The following CACNA1E variants were observed in gnomAD, a reference collection of about 807,000 sequenced individuals.
CACNA1E encodes voltage-dependent R-type calcium channel subunit alpha-1E.
CACNA1E carries 40 observed loss-of-function variants against 259.2 expected under a neutral mutation model. That is an observed-to-expected ratio of 0.15 (90% CI 0.12 to 0.20). The LOEUF is 0.20. Among genes scored for constraint, CACNA1E ranks in the 10% least tolerant of loss-of-function variants. The pLI is 1.00. For synonymous variants in CACNA1E, 1,104 were observed against 1,138.5 expected, an observed-to-expected ratio of 0.97 and a Z score of 0.61; for missense variants, 1,874 against 3,040.1, an observed-to-expected ratio of 0.62 and a Z score of 9.02.
At chr1:181,397,322 G>A (rs1329718925) in intron 1 of CACNA1E, among the ~76,000 whole-genome samples, 7 of 152,064 alleles carry the variant, frequency 4.6e-5, no homozygotes, top group Non-Finnish European at 8.8e-5. Flanking sequence ...CCCCTGCCTC[G>A]GTGAGTTTTT....
intron 3 of CACNA1E, among the ~76,000 whole-genome samples, chr1:181,540,332 A>C (rs1056920237): frequency 6.6e-6 from 1 of 152,248 alleles, no homozygotes; most frequent in Admixed American, 6.5e-5. Flanking sequence ...GCTCTATGGC[A>C]ACATGGTGTT....
chr1:181,698,769 G>GT (rs1435949449), intron 7 of CACNA1E, among the ~76,000 whole-genome samples: 3 of 151,962 alleles, frequency 2.0e-5, no homozygotes, highest in Non-Finnish European at 2.9e-5. Flanking sequence ...TTTCAATAAG[G>GT]TAACAATTAA....
chr1:181,723,808 G>C (rs1440713967), intron 16 of CACNA1E, among the ~76,000 whole-genome samples: 1 of 152,170 alleles, frequency 6.6e-6, no homozygotes, highest in Non-Finnish European at 1.5e-5. Flanking sequence ...AGAGGGAAAG[G>C]CATGGGGATG....
At chr1:181,405,875 A>T (rs1657429641) in intron 1 of CACNA1E, among the ~76,000 whole-genome samples, 1 of 152,230 alleles carries the variant, frequency 6.6e-6, no homozygotes, top group Non-Finnish European at 1.5e-5. Flanking sequence ...AAAAGAGTTT[A>T]GGAAGACTCT....
At chr1:181,320,128 A>T (rs576677746) in intron 1 of CACNA1E, among the ~76,000 whole-genome samples, 7 of 152,110 alleles carry the variant, frequency 4.6e-5, no homozygotes, top group Non-Finnish European at 1.0e-4. Flanking sequence ...ATATACAGTG[A>T]CCCACAGAGT....
intron 2 of CACNA1E, 94 bp downstream of exon 2, chr1:181,510,676 T>G: frequency 1.2e-6 from 1 of 807,440 alleles, no homozygotes; most frequent in Non-Finnish European, 2.1e-6. Context: ...TTCCTGCCTG[T>G]GAGTTCTGGG....
At chr1:181,428,908 G>A (rs1427559318) in intron 2 of CACNA1E, among the ~76,000 whole-genome samples, 1 of 152,196 alleles carries the variant, frequency 6.6e-6, no homozygotes, top group East Asian at 1.9e-4. Flanking sequence ...GAGGCCGGGT[G>A]CGGTGGCTCA....
chr1:181,344,140 G>C (rs1652405540), intron 1 of CACNA1E, among the ~76,000 whole-genome samples: 1 of 152,124 alleles, frequency 6.6e-6, no homozygotes, highest in Non-Finnish European at 1.5e-5. Context: ...CCACTGCTCT[G>C]GAAGAATCTC....
chr1:181,461,853 T>C (rs1661839230), intron 2 of CACNA1E, among the ~76,000 whole-genome samples: 1 of 152,134 alleles, frequency 6.6e-6, no homozygotes, highest in Admixed American at 6.5e-5. Flanking sequence ...AAATGAAAAT[T>C]ATCCGTAATG....
chr1:181,755,214 A>T, intron 27 of CACNA1E, 23 bp from the exon 28 acceptor site: 1 of 1,606,784 alleles, frequency 6.2e-7, no homozygotes, highest in Non-Finnish European at 8.5e-7. Context: ...TTCACACAGC[A>T]GGGCTGTTTG....
At chr1:181,752,056 A>G in intron 26 of CACNA1E, 87 bp from the exon 27 acceptor site, 1 of 939,342 alleles carries the variant, frequency 1.1e-6, no homozygotes, top group South Asian at 1.3e-5. Flanking sequence ...CTCCCCTTTT[A>G]GCCTGTTGTT....
At chr1:181,794,803 T>C in intron 45 of CACNA1E, 61 bp from the exon 46 acceptor site, 4 of 1,488,358 alleles carry the variant, frequency 2.7e-6, no homozygotes, top group Non-Finnish European at 9.2e-7. Context: ...GCTTCTGTCC[T>C]TTTAGATCTT....
At chr1:181,745,234 T>G in intron 25 of CACNA1E, 1 of 332,364 alleles carries the variant, frequency 3.0e-6, no homozygotes, top group South Asian at 2.8e-5. Flanking sequence ...ATGTGTTGTC[T>G]GCTGCATGTG....
chr1:181,647,553 C>T (rs1363626630), intron 6 of CACNA1E, among the ~76,000 whole-genome samples: 2 of 152,196 alleles, frequency 1.3e-5, no homozygotes, highest in Non-Finnish European at 2.9e-5. Flanking sequence ...CTGGCAGCTT[C>T]ACCCCGACTT....
At chr1:181,507,516 C>T (rs1304106568) in intron 1 of CACNA1E, among the ~76,000 whole-genome samples, 1 of 152,104 alleles carries the variant, frequency 6.6e-6, no homozygotes, top group South Asian at 2.1e-4. Context: ...GGAGGAACTG[C>T]CATGGTCCAA....
At chr1:181,717,040 C>A in intron 10 of CACNA1E, 53 bp from the exon 11 acceptor site, 1 of 1,507,500 alleles carries the variant, frequency 6.6e-7, no homozygotes, top group Non-Finnish European at 9.2e-7. Flanking sequence ...TGCTCCCTGG[C>A]CCGGACCACA....
In CACNA1E at chr1:181,485,645, G is replaced by A. The variant is rs1241330544; in HGVS notation, c.266+1635G>A. Among the ~76,000 whole-genome samples the A allele has an allele frequency of 2.6e-5, 4 of 152,196 alleles. No individual in the cohort carries two copies. The highest frequency in any genetic ancestry group is 9.7e-5 in the African/African-American group (4 of 41,436). On this transcript the variant is annotated intron_variant, in intron 1 of 47. Transcript: ENST00000367573. The surrounding 1 kb of genome is among the most constrained non-coding windows in gnomAD (Gnocchi z 4.2). Reference sequence around the variant, plus strand: ...GGGTCGGGTCCCTGCAGTCACGCCTGCCGGTGCGCTGCACAAAGCGGACAG... The same window carrying A: ...GGGTCGGGTCCCTGCAGTCACGCCTACCGGTGCGCTGCACAAAGCGGACAG...
In CACNA1E at chr1:181,417,456, C is replaced by G. The variant is rs986531801; in HGVS notation, c.434+3876C>G. ...TTATTTTCACCCTCAACTTTGTTGT[C>G]CCTCTGCTGCTTTGTTATACCTTGT... On this transcript the variant is annotated intron_variant, in intron 2 of 11. Coordinates refer to the CACNA1E transcript ENST00000524607. Among the ~76,000 whole-genome samples the G allele has an allele frequency of 3.3e-5, 5 of 152,124 alleles. No homozygotes were observed. The East Asian group carries it at 9.6e-4, about 29-fold the overall frequency.
In CACNA1E at chr1:181,711,017, G is replaced by A. The variant is rs111619313; in HGVS notation, c.1119G>A (p.Gln373=). ...NRRAFMKLRR[Q]QQIERELNGY... The stretch of plus-strand genomic sequence containing the variant: ...GGGCTTTCATGAAGCTGCGGCGCCA[G>A]CAGCAGATTGAGCGTGAGCTGAATG... The change falls in exon 8 of 48, where the codon CAG becomes CAA. Residue 373 remains glutamine (Q), a synonymous_variant. Transcript: ENST00000367573. The A allele has an allele frequency of 5.6e-4, 906 of 1,613,984 alleles. 4 individuals carry two copies. In the African/African-American group the frequency reaches 9.9e-3, roughly 18 times the overall value.
Sources: allele counts gnomAD v4.1 joint callset (sites outside exome capture counted in the v4.1 genomes callset), GRCh38; gene constraint gnomAD v4.1.1; non-coding constraint Gnocchi (gnomAD v3.1); transcripts MANE v1.5; gene names NCBI Gene and HGNC (gene_info 2026-07-23, HGNC 2026-07-21).